The following TRIQK variants were observed in gnomAD, a reference collection of about 807,000 sequenced individuals.
The protein encoded by TRIQK is triple QxxK/R motif containing.
A neutral mutation model predicts 10.8 loss-of-function variants in TRIQK; 10 were observed. The ratio of observed to expected loss-of-function variants is 0.92; its 90% CI spans 0.57 to 1.57. The LOEUF (loss-of-function observed/expected upper bound fraction) is 1.57. TRIQK is among the 40% of genes most tolerant of loss of function. The pLI, the probability that TRIQK is intolerant of heterozygous loss-of-function variation, is 0.00. For synonymous variants in TRIQK, 33 were observed against 33.7 expected (o/e 0.98, Z 0.07); for missense variants, 107 against 97.7 (o/e 1.09, Z -0.40).
chr8:92,984,340 A>G (rs555524606), intron 1 of TRIQK, among the ~76,000 whole-genome samples: 16 of 151,392 alleles, frequency 1.1e-4, no homozygotes, highest in African/African-American at 3.9e-4. Context: ...GTATGAAGTC[A>G]TCACAGTGAA....
intron 1 of TRIQK, among the ~76,000 whole-genome samples, chr8:93,008,879 T>C (rs1423053996): frequency 1.3e-5 from 2 of 152,146 alleles, no homozygotes; most frequent in Non-Finnish European, 1.5e-5. Flanking sequence ...ATGAAGCTAC[T>C]AGGAAAACAC....
At chr8:93,017,375 T>C (rs1813395877) in intron 1 of TRIQK, among the ~76,000 whole-genome samples, 4 of 152,192 alleles carry the variant, frequency 2.6e-5, no homozygotes, top group African/African-American at 7.2e-5. Context: ...GGCTGAGGGA[T>C]GTGACTTAGG....
intron 1 of TRIQK, among the ~76,000 whole-genome samples, chr8:92,996,941 G>T (rs1004448948): frequency 1.3e-5 from 2 of 152,030 alleles, no homozygotes; most frequent in Admixed American, 1.3e-4. Context: ...TCAGTGAAGT[G>T]GGGAGTAATC....
intron 2 of TRIQK, among the ~76,000 whole-genome samples, chr8:92,933,335 C>T (rs541691019): frequency 9.3e-4 from 142 of 152,092 alleles, no homozygotes; most frequent in African/African-American, 3.1e-3. Context: ...TGTGAGTCAC[C>T]TATGAAACAA....
intron 1 of TRIQK, among the ~76,000 whole-genome samples, chr8:92,990,728 A>G (rs1011384987): frequency 2.0e-5 from 3 of 152,196 alleles, no homozygotes; most frequent in Admixed American, 2.0e-4. Context: ...GGCCCCAGGT[A>G]GTATGCTTTT....
intron 2 of TRIQK, among the ~76,000 whole-genome samples, chr8:92,933,331 T>A (rs1319601170): frequency 1.3e-5 from 2 of 152,132 alleles, no homozygotes; most frequent in Non-Finnish European, 2.9e-5. Flanking sequence ...AATTTGTGAG[T>A]CACCTATGAA....
intron 2 of TRIQK, among the ~76,000 whole-genome samples, chr8:92,946,135 A>G (rs1586474377): frequency 6.6e-6 from 1 of 152,302 alleles, no homozygotes; most frequent in African/African-American, 2.4e-5. Flanking sequence ...TATATCTAGG[A>G]AATAGATCAG....
intron 1 of TRIQK, among the ~76,000 whole-genome samples, chr8:92,975,479 T>C (rs1372290782): frequency 1.3e-5 from 2 of 152,204 alleles, no homozygotes; most frequent in Non-Finnish European, 2.9e-5. Flanking sequence ...TGAGATAAAC[T>C]TGTTCATAAT....
chr8:93,001,364 C>T (rs10217063), intron 1 of TRIQK, among the ~76,000 whole-genome samples: 35,550 of 150,448 alleles, frequency 0.24, 5,213 homozygotes, highest in African/African-American at 0.42. Context: ...CAAAACAATA[C>T]TCAAGTATAT....
chr8:92,927,777 A>C (rs1810516170), intron 2 of TRIQK, among the ~76,000 whole-genome samples: 2 of 152,218 alleles, frequency 1.3e-5, no homozygotes, highest in African/African-American at 4.8e-5. Flanking sequence ...GATAAACAGC[A>C]AAAGAGAGAG....
intron 1 of TRIQK, among the ~76,000 whole-genome samples, chr8:92,977,038 A>G (rs74415996): frequency 8.7e-4 from 132 of 152,120 alleles, no homozygotes; most frequent in African/African-American, 3.1e-3. Flanking sequence ...AAATGTGAAA[A>G]AATGTATATT....
chr8:92,954,902 A>C (rs531804658), intron 1 of TRIQK, among the ~76,000 whole-genome samples: 8 of 152,046 alleles, frequency 5.3e-5, no homozygotes, highest in African/African-American at 1.9e-4. Context: ...AAAGTCAAGC[A>C]TAAATGTAAA....
At chr8:92,949,688 GAA>G (rs1811743863) in intron 2 of TRIQK, among the ~76,000 whole-genome samples, 10 of 93,246 alleles carry the variant, frequency 1.1e-4, no homozygotes, top group Non-Finnish European at 1.6e-4. Context: ...AAGAAAGAAA[GAA>G]AGAAAGAAAA....
At chr8:92,964,417 G>A (rs1373737982) in intron 1 of TRIQK, among the ~76,000 whole-genome samples, 1 of 149,638 alleles carries the variant, frequency 6.7e-6, no homozygotes, top group African/African-American at 2.5e-5. Flanking sequence ...AGTCATCCTC[G>A]CATTAAAAGG....
chr8:92,978,649 T>C (rs1216813956), intron 1 of TRIQK, among the ~76,000 whole-genome samples: 2 of 152,146 alleles, frequency 1.3e-5, no homozygotes, highest in African/African-American at 4.8e-5. Flanking sequence ...GAAAACTCAC[T>C]TATGGGTACA....
chr8:92,974,348 A>T (rs528910416), intron 1 of TRIQK: 5 of 152,352 alleles, frequency 3.3e-5, no homozygotes, highest in African/African-American at 1.2e-4. Flanking sequence ...CTCCCACCTC[A>T]AACCAATCCA....
chr8:92,909,912 C>A (rs1451935017), intron 3 of TRIQK, among the ~76,000 whole-genome samples: 1 of 151,348 alleles, frequency 6.6e-6, no homozygotes, highest in Non-Finnish European at 1.5e-5. Flanking sequence ...TAACAGGGAA[C>A]CTAAAACGCA....
intron 1 of TRIQK, chr8:92,963,497 A>G (rs1812559822): frequency 6.6e-6 from 1 of 152,176 alleles, no homozygotes; most frequent in African/African-American, 2.4e-5. Flanking sequence ...CTAAGTATCA[A>G]GTAATGATAT....
chr8:92,987,025 G>A (rs978817050), intron 1 of TRIQK, among the ~76,000 whole-genome samples: 6 of 152,192 alleles, frequency 3.9e-5, no homozygotes, highest in African/African-American at 1.2e-4. Flanking sequence ...GAAATGGTCA[G>A]CTATAAAGTT....
Sources: gnomAD v4.1 joint callset for allele counts (sites outside exome capture counted in the v4.1 genomes callset) on GRCh38, gnomAD v4.1.1 for gene constraint, MANE v1.5 for transcripts, NCBI Gene and HGNC (gene_info 2026-07-23, HGNC 2026-07-21) for gene names.